The following KCTD7 variants were observed in gnomAD, a reference collection of about 807,000 sequenced individuals.
The protein encoded by KCTD7 is potassium channel tetramerization domain containing 7.
Under a neutral mutation model 27.0 loss-of-function variants are expected in KCTD7, and 15 were observed. The observed-to-expected ratio is 0.56, with a 90% CI of 0.37 to 0.86. The LOEUF (loss-of-function observed/expected upper bound fraction) is 0.86, where lower values mean the gene tolerates loss of function less well. Among genes scored for constraint, KCTD7 ranks in the 40% least tolerant of loss-of-function variants. KCTD7 has a pLI of 0.00. For synonymous variants in KCTD7, 159 were observed against 162.7 expected, an observed-to-expected ratio of 0.98 and a Z score of 0.17; for missense variants, 299 against 398.9, an observed-to-expected ratio of 0.75 and a Z score of 2.13.
chr7:66,635,313 G>T (rs925734349), intron 2 of KCTD7, among the ~76,000 whole-genome samples: 1 of 152,134 alleles, frequency 6.6e-6, no homozygotes, highest in African/African-American at 2.4e-5. Context: ...TTTGTGTCCG[G>T]CCCGGCCGAG....
At position 66,639,907 on chromosome 7, in the gene KCTD7, C is replaced by A. The variant is rs1786674633; in HGVS notation, c.*675C>A. Reference sequence around the variant, plus strand: ...CCTTAGAAAACCACAATGTTTACAGCCCTGTCTTAGGGCCGCGGCTTCTCT... The same window carrying A: ...CCTTAGAAAACCACAATGTTTACAGACCTGTCTTAGGGCCGCGGCTTCTCT... On this transcript the variant is annotated 3_prime_UTR_variant, in exon 4 of 4. Transcript: ENST00000639828. 1 of 1,248,322 alleles carries A rather than the reference C, an allele frequency of 8.0e-7. No individual in the cohort carries two copies. Among genetic ancestry groups the A allele is most frequent in the African/African-American group, 1.5e-5 (1 of 64,702 alleles). The allele number at this position is 1,248,322 out of a possible 1,614,324, so 77.3% of individuals were successfully genotyped here.
intron 1 of KCTD7, among the ~76,000 whole-genome samples, chr7:66,629,889 G>C (rs754561918): frequency 1.2e-4 from 19 of 152,152 alleles, no homozygotes; most frequent in Non-Finnish European, 2.5e-4. Flanking sequence ...TCACTCACAG[G>C]CTGCTGTGCT....
At chr7:66,634,666 C>T (rs1786544518) in intron 2 of KCTD7, among the ~76,000 whole-genome samples, 2 of 151,928 alleles carry the variant, frequency 1.3e-5, no homozygotes, top group South Asian at 4.2e-4. Flanking sequence ...CTCAGCGTTG[C>T]CATGGGAAGG....
chr7:66,633,745 G>C (rs1397665674), intron 2 of KCTD7, among the ~76,000 whole-genome samples: 2 of 151,908 alleles, frequency 1.3e-5, no homozygotes, highest in Admixed American at 1.3e-4. Flanking sequence ...CCAGCACTTT[G>C]GGAGGCTGAG....
In KCTD7 at chr7:66,628,986, C is replaced by A; in HGVS notation, c.-79C>A. 1 of 1,394,842 alleles carries A rather than the reference C, an allele frequency of 7.2e-7. No individual in the cohort carries two copies. Among genetic ancestry groups the A allele is most frequent in the Non-Finnish European group, 9.5e-7 (1 of 1,049,526 alleles). The allele number at this position is 1,394,842 out of a possible 1,614,324, so 86.4% of individuals were successfully genotyped here. A position where few individuals can be genotyped will look rare whatever the true frequency, so the allele number is the denominator to read the frequency against. ...CCGCAGCCGGCCGCGTCATGCCAGG[C>A]GCTGCTCGGCGGTAGGGAGTGCCCG... On this transcript the variant is annotated 5_prime_UTR_variant, in exon 1 of 4. Coordinates refer to ENST00000639828, the MANE Select transcript of KCTD7 (RefSeq NM_153033.5).
intron 2 of KCTD7, among the ~76,000 whole-genome samples, chr7:66,635,950 T>C (rs1478213237): frequency 2.6e-5 from 4 of 151,932 alleles, no homozygotes; most frequent in East Asian, 1.9e-4. Flanking sequence ...TGGGGAGGGG[T>C]TCTGGGTTTG....
chr7:66,637,322 A>T (rs1422068032), intron 2 of KCTD7, among the ~76,000 whole-genome samples: 1 of 152,066 alleles, frequency 6.6e-6, no homozygotes, highest in Non-Finnish European at 1.5e-5. Context: ...CTGAGCTCAG[A>T]TGATCCACCC....
chr7:66,628,947 C>T lies in KCTD7; in HGVS notation c.-118C>T. ...TCCCGCCTGCGCACTGCCTCTCGCC[C>T]CCCTCCGGCCAGCCCGCAGCCGGCC... On this transcript the variant is annotated 5_prime_UTR_variant, in exon 1 of 4. Transcript: ENST00000639828. 1 of 1,056,314 alleles carries T rather than the reference C, an allele frequency of 9.5e-7. No homozygotes were observed. The highest frequency in any genetic ancestry group is 1.3e-6 in the Non-Finnish European group (1 of 793,106). The allele number at this position is 1,056,314 out of a possible 1,614,324, so 65.4% of individuals were successfully genotyped here.
At position 66,629,638 on chromosome 7, in the gene KCTD7, C is replaced by A. The variant is rs1227012796; in HGVS notation, c.144+430C>A. Among the ~76,000 whole-genome samples the A allele has an allele frequency of 3.9e-5, 6 of 152,150 alleles. No individual in the cohort carries two copies. In the South Asian group the frequency reaches 1.2e-3, roughly 32 times the overall value. On this transcript the variant is annotated intron_variant, in intron 1 of 3. Transcript: ENST00000639828. ...ATCGCTTGAGGGCAGGAGTTGGAGG[C>A]CAGCCTGGGCAACATAGCGAGGCCC...
At chr7:66,629,323 C>G (rs970042728) in intron 1 of KCTD7, 115 bp downstream of exon 1, 1 of 784,172 alleles carries the variant, frequency 1.3e-6, no homozygotes, top group African/African-American at 1.8e-5. Flanking sequence ...GCGGGGCCCG[C>G]GGACTTGCGC....
In KCTD7 at chr7:66,640,601, G is replaced by T; in HGVS notation, c.*1369G>T. On this transcript the variant is annotated 3_prime_UTR_variant, in exon 4 of 4. Transcript: ENST00000639828. ...ACCTGTCTCTTCCTGGGTAAAGGGA[G>T]ATTTTTTTTTTTAATGTGTAAAGAA... 1 of 1,380,990 alleles carries T rather than the reference G, an allele frequency of 7.2e-7. No individual in the cohort carries two copies. Among genetic ancestry groups the T allele is most frequent in the Non-Finnish European group, 9.3e-7 (1 of 1,070,384 alleles). 85.5% of individuals were successfully genotyped at this position (1,380,990 alleles called of 1,614,324 possible).
chr7:66,639,378 G>A lies in KCTD7; in HGVS notation c.*146G>A. 3 of 1,536,756 alleles carry A rather than the reference G, an allele frequency of 2.0e-6. No individual in the cohort carries two copies. Among genetic ancestry groups the A allele is most frequent in the Non-Finnish European group, 1.7e-6 (2 of 1,146,332 alleles). On this transcript the variant is annotated 3_prime_UTR_variant, in exon 4 of 4. Transcript: ENST00000639828. ...CCTGAGGCACAGCTCCCAGGGGACA[G>A]AGGTGTAGCTCCAATCTCCCTGACT...
downstream of KCTD7, chr7:66,643,054 T>C (rs1419777965): frequency 1.0e-6 from 1 of 985,424 alleles, no homozygotes; most frequent in Non-Finnish European, 1.2e-6. Flanking sequence ...AGAACCTGGG[T>C]GCTGTGCCTT....
At position 66,638,965 on chromosome 7, in the gene KCTD7, CT is replaced by C. The variant is rs745960603; in HGVS notation, c.604del (p.Tyr202MetfsTer71). On this transcript the variant is annotated frameshift_variant, in exon 4 of 4. Coordinates refer to ENST00000639828, the MANE Select transcript of KCTD7 (RefSeq NM_153033.5). LOFTEE classifies it high-confidence loss of function. The stretch of plus-strand genomic sequence containing the variant: ...TCAAGGAGGAGATGCCCATCACCCC[CT>C]ATGAGTGTCCGCTCCTCAACTCCCT... The part of the protein sequence containing the change: ...VFKEEMPITP[Y>X]ECPLLNSLRF... 1.2e-6 allele frequency: 2 copies of C among 1,614,214 alleles called. No individual in the cohort carries two copies. The highest frequency in any genetic ancestry group is 1.7e-6 in the Non-Finnish European group (2 of 1,180,034).
Position 66,632,885 on chromosome 7 carries a change from A to AATAT in KCTD7, c.145-378_145-375dup, listed in dbSNP as rs149316964. 3.5e-3 allele frequency among the ~76,000 whole-genome samples: 526 copies of AATAT among 149,518 alleles called. 2 individuals are homozygous for AATAT. Among genetic ancestry groups the AATAT allele is most frequent in the Admixed American group, 5.5e-3 (82 of 14,962 alleles). On this transcript the variant is annotated intron_variant, in intron 1 of 3. Coordinates refer to ENST00000639828, the MANE Select transcript of KCTD7 (RefSeq NM_153033.5). Reference sequence around the variant, plus strand: ...AGTGAAACCCCATCTCTACTAAAAAAATATATATATATATACAAAAAATTA... The same window carrying AATAT: ...AGTGAAACCCCATCTCTACTAAAAAAATATATATATATATATATACAAAAAATTA...
intron 2 of KCTD7, among the ~76,000 whole-genome samples, chr7:66,634,783 T>G (rs1334227545): frequency 6.7e-6 from 1 of 149,946 alleles, no homozygotes; most frequent in African/African-American, 2.5e-5. Context: ...CCAAGGAAAG[T>G]CTTTAAAAAA....
intron 2 of KCTD7, among the ~76,000 whole-genome samples, chr7:66,635,382 T>TA (rs1167604491): frequency 9.2e-5 from 14 of 152,224 alleles, no homozygotes; most frequent in Admixed American, 8.5e-4. Flanking sequence ...CTGACAGTCT[T>TA]ACATGTAAAC....
chr7:66,640,098 T>A lies in KCTD7; in HGVS notation c.*866T>A. 5 of 1,320,072 alleles carry A rather than the reference T, an allele frequency of 3.8e-6. No individual in the cohort carries two copies. Among genetic ancestry groups the A allele is most frequent in the Non-Finnish European group, 4.8e-6 (5 of 1,041,182 alleles). The allele number at this position is 1,320,072 out of a possible 1,614,324, so 81.8% of individuals were successfully genotyped here. A position where few individuals can be genotyped will look rare whatever the true frequency, so the allele number is the denominator to read the frequency against. ...TTTTTAGAGGCTCAGAACACCTCCTTGGCTGCTATCTCATGTGTTAGAATC... is the reference window on the plus strand; with the variant it reads ...TTTTTAGAGGCTCAGAACACCTCCTAGGCTGCTATCTCATGTGTTAGAATC... On this transcript the variant is annotated 3_prime_UTR_variant, in exon 4 of 4. Coordinates refer to ENST00000639828, the MANE Select transcript of KCTD7 (RefSeq NM_153033.5).
At chr7:66,631,563 C>T (rs1324859441) in intron 1 of KCTD7, among the ~76,000 whole-genome samples, 1 of 139,280 alleles carries the variant, frequency 7.2e-6, no homozygotes, top group Non-Finnish European at 1.5e-5. Flanking sequence ...AATGAGATTC[C>T]GTCTCAAAAA....
Sources: gnomAD v4.1 joint callset for allele counts (sites outside exome capture counted in the v4.1 genomes callset) on GRCh38, gnomAD v4.1.1 for gene constraint, MANE v1.5 for transcripts, NCBI Gene and HGNC (gene_info 2026-07-23, HGNC 2026-07-21) for gene names.